The following EYS variants were observed in gnomAD, a reference collection of about 807,000 sequenced individuals.
The protein encoded by EYS is EGF-like photoreceptor maintenance factor.
EYS carries 250 observed loss-of-function variants against 282.1 expected under a neutral mutation model. The ratio of observed to expected loss-of-function variants is 0.89; its 90% CI spans 0.80 to 0.98. The LOEUF is 0.98. Among genes scored for constraint, EYS ranks in the 50% least tolerant of loss-of-function variants. The pLI is 0.00. For synonymous variants in EYS, 1,355 were observed against 1,282.9 expected, an observed-to-expected ratio of 1.06 and a Z score of -1.20; for missense variants, 4,016 against 3,709.0, an observed-to-expected ratio of 1.08 and a Z score of -2.15.
At chr6:64,300,349 G>A (rs1044380261) in intron 30 of EYS, among the ~76,000 whole-genome samples, 8 of 152,252 alleles carry the variant, frequency 5.3e-5, no homozygotes, top group Non-Finnish European at 1.2e-4. Flanking sequence ...GTCTAGCTCC[G>A]TGGGCAGCCC....
intron 30 of EYS, among the ~76,000 whole-genome samples, chr6:64,234,330 A>T (rs1362122307): frequency 6.6e-6 from 1 of 152,032 alleles, no homozygotes; most frequent in African/African-American, 2.4e-5. Context: ...CATTTATTAG[A>T]TATGCTATTC....
intron 26 of EYS, among the ~76,000 whole-genome samples, chr6:64,554,287 A>G (rs1160799873): frequency 6.6e-6 from 1 of 152,058 alleles, no homozygotes; most frequent in Non-Finnish European, 1.5e-5. Context: ...AAATAACTCT[A>G]AATACTAAAA....
At chr6:65,059,938 C>T (rs751278681) in intron 12 of EYS, among the ~76,000 whole-genome samples, 2 of 152,104 alleles carry the variant, frequency 1.3e-5, no homozygotes, top group Admixed American at 6.6e-5. Flanking sequence ...GGTCACATTC[C>T]TGCACACAGG....
intron 29 of EYS, among the ~76,000 whole-genome samples, chr6:64,327,706 G>A (rs530593415): frequency 2.0e-5 from 3 of 152,084 alleles, no homozygotes; most frequent in Admixed American, 6.6e-5. Context: ...AGATTGCAAG[G>A]CATCAGTAAA....
intron 28 of EYS, among the ~76,000 whole-genome samples, chr6:64,394,967 C>A (rs989983006): frequency 2.6e-5 from 4 of 152,056 alleles, no homozygotes; most frequent in Admixed American, 1.3e-4. Context: ...AAAAAGTGGG[C>A]GAAGGATATG....
intron 12 of EYS, among the ~76,000 whole-genome samples, chr6:65,208,848 A>G (rs558371358): frequency 1.6e-4 from 24 of 151,936 alleles, no homozygotes; most frequent in African/African-American, 5.1e-4. Context: ...GTAATGTCCA[A>G]TATTGGATGA....
intron 29 of EYS, among the ~76,000 whole-genome samples, chr6:64,312,585 G>C (rs1312767132): frequency 6.6e-6 from 1 of 152,188 alleles, no homozygotes; most frequent in Non-Finnish European, 1.5e-5. Flanking sequence ...ATCCTGACTA[G>C]GAGACATCTC....
intron 12 of EYS, among the ~76,000 whole-genome samples, chr6:65,081,600 T>C (rs1054520737): frequency 6.6e-6 from 1 of 152,108 alleles, no homozygotes; most frequent in Non-Finnish European, 1.5e-5. Flanking sequence ...TTCATTGATA[T>C]GAATTTCACT....
intron 2 of EYS, among the ~76,000 whole-genome samples, chr6:65,522,213 A>T (rs2127299423): frequency 6.6e-6 from 1 of 152,268 alleles, no homozygotes; most frequent in East Asian, 1.9e-4. Flanking sequence ...TTTTCTGGTA[A>T]ATTGAAAATA....
At chr6:65,264,709 C>T (rs1013045200) in intron 12 of EYS, among the ~76,000 whole-genome samples, 1 of 151,864 alleles carries the variant, frequency 6.6e-6, no homozygotes, top group Non-Finnish European at 1.5e-5. Flanking sequence ...TAATGAATCT[C>T]TTTCACTGTT....
At chr6:64,297,387 C>A (rs1561914354) in intron 30 of EYS, among the ~76,000 whole-genome samples, 1 of 151,920 alleles carries the variant, frequency 6.6e-6, no homozygotes, top group Non-Finnish European at 1.5e-5. Flanking sequence ...CATCCATGCC[C>A]AGGAAAGGGT....
intron 5 of EYS, among the ~76,000 whole-genome samples, chr6:65,429,884 T>C (rs1396394906): frequency 3.3e-5 from 5 of 152,206 alleles, no homozygotes; most frequent in African/African-American, 1.2e-4. Context: ...CAATGTTTTA[T>C]AATAATACTT....
chr6:64,803,325 G>A (rs1393801358), intron 22 of EYS, among the ~76,000 whole-genome samples: 1 of 151,418 alleles, frequency 6.6e-6, no homozygotes, highest in Non-Finnish European at 1.5e-5. Flanking sequence ...TCCACAGCTG[G>A]TCATCCAGAT....
chr6:63,776,935 A>T (rs1449383682), intron 40 of EYS, among the ~76,000 whole-genome samples: 1 of 152,214 alleles, frequency 6.6e-6, no homozygotes, highest in African/African-American at 2.4e-5. Flanking sequence ...AATTAAGTTT[A>T]GTTGTAGAGC....
intron 12 of EYS, among the ~76,000 whole-genome samples, chr6:65,118,638 A>G (rs1350036199): frequency 6.6e-6 from 1 of 152,230 alleles, no homozygotes; most frequent in Non-Finnish European, 1.5e-5. Flanking sequence ...CACACAGTTC[A>G]CTAACCAGTT....
chr6:64,575,290 AG>A (rs989399271), intron 26 of EYS, among the ~76,000 whole-genome samples: 1 of 151,468 alleles, frequency 6.6e-6, no homozygotes, highest in African/African-American at 2.4e-5. Flanking sequence ...TTCAAAGAAA[AG>A]GGAAAATAAA....
At chr6:65,108,509 C>A (rs1775112179) in intron 12 of EYS, among the ~76,000 whole-genome samples, 1 of 152,008 alleles carries the variant, frequency 6.6e-6, no homozygotes, top group East Asian at 1.9e-4. Flanking sequence ...GTTGCCCAGG[C>A]TGGGATGCAC....
At chr6:63,792,143 T>C (rs1305018323) in intron 37 of EYS, among the ~76,000 whole-genome samples, 2 of 151,774 alleles carry the variant, frequency 1.3e-5, no homozygotes, top group East Asian at 2.0e-4. Flanking sequence ...GTTTAGTTTA[T>C]AGGTGCTCCT....
intron 11 of EYS, chr6:65,329,230 T>C (rs1419255742): frequency 2.4e-6 from 1 of 409,804 alleles, no homozygotes; most frequent in Non-Finnish European, 3.3e-6. Context: ...GAGATAATTG[T>C]GTATAGATGA....
Sources: gnomAD v4.1 joint callset for allele counts (sites outside exome capture counted in the v4.1 genomes callset) on GRCh38, gnomAD v4.1.1 for gene constraint, MANE v1.5 for transcripts, NCBI Gene and HGNC (gene_info 2026-07-23, HGNC 2026-07-21) for gene names.